Variants in CCDC186 observed in about 807,000 individuals in gnomAD.
CCDC186 encodes coiled-coil domain containing 186, also known as coiled-coil domain-containing protein 186.
A neutral mutation model predicts 113.7 loss-of-function variants in CCDC186; 49 were observed. The ratio of observed to expected loss-of-function variants is 0.43; its 90% CI spans 0.34 to 0.55. The LOEUF (loss-of-function observed/expected upper bound fraction) is 0.55, where lower values mean the gene tolerates loss of function less well. Among genes scored for constraint, CCDC186 ranks in the 20% least tolerant of loss-of-function variants. The pLI, the probability that CCDC186 is intolerant of heterozygous loss-of-function variation, is 0.02. For missense variants in CCDC186, 890 were observed against 1,011.1 expected (o/e 0.88, Z 1.62); for synonymous variants, 355 against 345.8 (o/e 1.03, Z -0.30).
chr10:114,140,012 C>T (rs1403606223), intron 6 of CCDC186, among the ~76,000 whole-genome samples: 1 of 152,194 alleles, frequency 6.6e-6, no homozygotes, highest in African/African-American at 2.4e-5. Context: ...TTCACTTATT[C>T]ATTCATTCAG....
At position 114,140,384 on chromosome 10, in the gene CCDC186, G is replaced by C. The variant is rs577943094; in HGVS notation, c.1222-3094C>G. Among the ~76,000 whole-genome samples, 3 of 152,324 alleles carry C rather than the reference G, an allele frequency of 2.0e-5. No homozygotes were observed. In the East Asian group the frequency reaches 5.8e-4, roughly 29 times the overall value. On this transcript the variant is annotated intron_variant, in intron 6 of 15. Coordinates refer to ENST00000369287, the MANE Select transcript of CCDC186 (RefSeq NM_018017.4). ...GATAAATCCAAGGCTTTTGGCCTGA[G>C]CAATGAGATGGAATGAGATGGATGG...
chr10:114,137,133 GAA>G, intron 7 of CCDC186, 51 bp downstream of exon 7: 1 of 1,361,408 alleles, frequency 7.3e-7, no homozygotes, highest in Non-Finnish European at 1.0e-6. Context: ...GAAAAAGAGA[GAA>G]CTGATATTTG....
Position 114,149,648 on chromosome 10 carries a change from C to T in CCDC186, c.888+1444G>A, listed in dbSNP as rs1210265188. Among the ~76,000 whole-genome samples the T allele has an allele frequency of 3.1e-5, 2 of 64,584 alleles. 1 individual carries two copies. The highest frequency in any genetic ancestry group is 5.8e-5 in the Non-Finnish European group (2 of 34,374). The allele number at this position is 64,584 out of a possible 152,430, so 42.4% of individuals were successfully genotyped here. A position where few individuals can be genotyped will look rare whatever the true frequency, so the allele number is the denominator to read the frequency against. On this transcript the variant is annotated intron_variant, in intron 4 of 15. Transcript: ENST00000369287. The stretch of plus-strand genomic sequence containing the variant: ...GAAAGGGAGGGGAGGGGAGGGAATG[C>T]GAAGGAAGGAAGGAAGGAAAGGAGG...
chr10:114,139,420 G>A (rs931242853), intron 6 of CCDC186, among the ~76,000 whole-genome samples: 2 of 151,720 alleles, frequency 1.3e-5, no homozygotes, highest in East Asian at 1.9e-4. Context: ...AAAATTAGCC[G>A]GGTGTGGTGG....
At position 114,144,547 on chromosome 10, in the gene CCDC186, T is replaced by A. The variant is rs750455162; in HGVS notation, c.1171A>T (p.Lys391Ter). The change falls in exon 6 of 16, where the codon AAA becomes TAA. Residue 391 changes from lysine (K) to a stop codon, truncating the protein, a stop_gained. Transcript: ENST00000369287. LOFTEE classifies it high-confidence loss of function. ...AATTTGTTTTGTGCCCACTTTACTT[T>A]GATGACGTGAGAGTTAATGTCTTCC... ...LKEDINSHVI[K>*]VKWAQNKLKA... The A allele has an allele frequency of 6.2e-7, 1 of 1,613,468 alleles. No homozygotes were observed. Among genetic ancestry groups the A allele is most frequent in the Non-Finnish European group, 8.5e-7 (1 of 1,179,538 alleles).
Position 114,163,307 on chromosome 10 carries a change from TG to T in CCDC186, c.-40del, listed in dbSNP as rs749957080. The T allele has an allele frequency of 6.4e-7, 1 of 1,569,446 alleles. No homozygotes were observed. The highest frequency in any genetic ancestry group is 1.4e-5 in the African/African-American group (1 of 73,094). On this transcript the variant is annotated 5_prime_UTR_variant, in exon 2 of 16. Transcript: ENST00000369287. ...AATTCACTTTGTAATTCTTCAAATCTGCTCCTGATCTTCGTTTTACATCTAA... is the reference window on the plus strand; with the variant it reads ...AATTCACTTTGTAATTCTTCAAATCTCTCCTGATCTTCGTTTTACATCTAA...
intron 2 of CCDC186, chr10:114,161,996 G>C (rs953508127): frequency 6.6e-6 from 1 of 152,200 alleles, no homozygotes; most frequent in Non-Finnish European, 1.5e-5. Context: ...GCAACAGAAA[G>C]TAGAATGGTG....
chr10:114,163,057 G>A lies in CCDC186; in HGVS notation c.212C>T (p.Pro71Leu), dbSNP rs1325337142. Residue 71 changes from proline to leucine, a missense_variant, in exon 2 of 16, where the codon CCA becomes CTA. Pro to Leu is a moderately conservative substitution (Grantham distance 98, BLOSUM62 -3). Coordinates refer to ENST00000369287, the MANE Select transcript of CCDC186 (RefSeq NM_018017.4). The part of the protein sequence containing the change: ...NRIEAQENYI[P>L]DHGGGEDSCA... The stretch of plus-strand genomic sequence containing the variant: ...AGAATCCTCACCTCCACCATGATCT[G>A]GAATATAATTTTCCTGGGCTTCAAT... 2 of 1,613,958 alleles carry A rather than the reference G, an allele frequency of 1.2e-6. No homozygotes were observed. The highest frequency in any genetic ancestry group is 1.7e-6 in the Non-Finnish European group (2 of 1,179,978).
intron 1 of CCDC186, among the ~76,000 whole-genome samples, chr10:114,173,797 G>C (rs2032604027): frequency 6.6e-6 from 1 of 152,198 alleles, no homozygotes; most frequent in Admixed American, 6.5e-5. Context: ...GAAGGAGGAA[G>C]GCAGGGAGAG....
intron 1 of CCDC186, among the ~76,000 whole-genome samples, chr10:114,170,509 G>A (rs2032461080): frequency 2.0e-5 from 3 of 152,110 alleles, no homozygotes; most frequent in Non-Finnish European, 4.4e-5. Context: ...GTTTTGTAGA[G>A]ATGGAGTCTT....
chr10:114,150,118 T>C (rs2031801149), intron 4 of CCDC186, among the ~76,000 whole-genome samples: 1 of 152,210 alleles, frequency 6.6e-6, no homozygotes, highest in African/African-American at 2.4e-5. Context: ...CCATCTACAG[T>C]AGCAGCTTCG....
chr10:114,171,441 C>T (rs1161618118), intron 1 of CCDC186, among the ~76,000 whole-genome samples: 2 of 152,054 alleles, frequency 1.3e-5, no homozygotes, highest in Non-Finnish European at 2.9e-5. Context: ...GTCCTAGCTA[C>T]TCAGGAGGCT....
chr10:114,136,232 A>C lies in CCDC186; in HGVS notation c.1341T>G (p.Ile447Met). 1 of 1,610,994 alleles carries C rather than the reference A, an allele frequency of 6.2e-7. No individual in the cohort carries two copies. The highest frequency in any genetic ancestry group is 8.5e-7 in the Non-Finnish European group (1 of 1,179,518). Residue 447 changes from isoleucine (I) to methionine (M), a missense_variant, in exon 8 of 16, where the codon ATT (isoleucine) becomes ATG (methionine). Transcript: ENST00000369287. Reference protein sequence around the residue: ...MIKTYQESEEIKSNELDAKLR... With the variant: ...MIKTYQESEEMKSNELDAKLR... ...GCTTTGCATCAAGCTCATTTGATTT[A>C]ATTTCTTCTGACTCCTAGTGGAAAG...
intron 4 of CCDC186, among the ~76,000 whole-genome samples, chr10:114,148,064 G>A (rs140094684): frequency 2.0e-5 from 3 of 152,306 alleles, no homozygotes; most frequent in Non-Finnish European, 2.9e-5. Context: ...GAGCCCAGGA[G>A]GTTGAGGCTG....
intron 3 of CCDC186, among the ~76,000 whole-genome samples, chr10:114,157,178 ATTTTTT>A (rs34377537): frequency 8.3e-6 from 1 of 121,178 alleles, no homozygotes; most frequent in South Asian, 2.6e-4. Flanking sequence ...AGTTTTCAGA[ATTTTTT>A]TTTTTTTTTT....
intron 1 of CCDC186, among the ~76,000 whole-genome samples, chr10:114,170,396 T>C (rs979383241): frequency 6.6e-6 from 1 of 152,126 alleles, no homozygotes; most frequent in South Asian, 2.1e-4. Context: ...CAGAGGTCAC[T>C]TGCAGCCTCA....
Position 114,131,200 on chromosome 10 carries a change from T to C in CCDC186, c.2048A>G (p.Gln683Arg), listed in dbSNP as rs781481159. The C allele has an allele frequency of 2.6e-5, 42 of 1,595,822 alleles. 1 individual carries two copies. The South Asian group carries it at 4.6e-4, about 17-fold the overall frequency. Residue 683 changes from glutamine to arginine, a missense_variant, in exon 12 of 16, where the codon CAG (glutamine) becomes CGG (arginine). Physicochemically the swap from Gln to Arg is conservative, Grantham distance 43. Coordinates refer to ENST00000369287, the MANE Select transcript of CCDC186 (RefSeq NM_018017.4). ...VEELKDELVT[Q>R]RRKHASSIKD... ...GATACTAGAGGCATGTTTACGTCTC[T>C]GAGTTACTAACTCATCTTTTAATTC...
At chr10:114,165,518 CCT>C (rs1300918828) in intron 1 of CCDC186, among the ~76,000 whole-genome samples, 3 of 151,668 alleles carry the variant, frequency 2.0e-5, no homozygotes, top group Non-Finnish European at 2.9e-5. Context: ...ACGACGAAAC[CCT>C]GTCTCTACTA....
chr10:114,170,795 A>G (rs2032471952), intron 1 of CCDC186, among the ~76,000 whole-genome samples: 1 of 152,094 alleles, frequency 6.6e-6, no homozygotes, highest in South Asian at 2.1e-4. Context: ...TGATATGTGC[A>G]TTATATCACA....
Sources: allele counts gnomAD v4.1 joint callset (sites outside exome capture counted in the v4.1 genomes callset), GRCh38; gene constraint gnomAD v4.1.1; transcripts MANE v1.5; gene names NCBI Gene and HGNC (gene_info 2026-07-23, HGNC 2026-07-21).